PCDH15: variants seen among roughly 807,000 people sequenced by gnomAD.
PCDH15 encodes protocadherin related 15, also known as protocadherin-15.
Under a neutral mutation model 178.5 loss-of-function variants are expected in PCDH15, and 129 were observed. The observed-to-expected ratio is 0.72, with a 90% CI of 0.63 to 0.84. PCDH15 has a LOEUF of 0.84. Ranked by LOEUF, PCDH15 falls within the 40% of genes least tolerant of loss-of-function variation. PCDH15 has a pLI of 0.00. For missense variants in PCDH15, 2,230 were observed against 2,099.9 expected, an observed-to-expected ratio of 1.06 and a Z score of -1.21; for synonymous variants, 800 against 732.0, an observed-to-expected ratio of 1.09 and a Z score of -1.50.
chr10:54,334,854 CT>C (rs1233935224), intron 6 of PCDH15, among the ~76,000 whole-genome samples: 1 of 152,146 alleles, frequency 6.6e-6, no homozygotes, highest in Non-Finnish European at 1.5e-5. Flanking sequence ...TTCTTTGACA[CT>C]TTTTTTTGAA....
At chr10:53,913,512 T>C (rs1283916264) in intron 25 of PCDH15, among the ~76,000 whole-genome samples, 1 of 151,050 alleles carries the variant, frequency 6.6e-6, no homozygotes, top group Non-Finnish European at 1.5e-5. Flanking sequence ...GGCAGGCGAA[T>C]CACGAGGTCA....
chr10:54,654,939 C>A (rs1027882115), intron 2 of PCDH15: 3 of 152,148 alleles, frequency 2.0e-5, no homozygotes, highest in African/African-American at 4.8e-5. Flanking sequence ...AGGCCAGGAG[C>A]GGTGGCTCAC....
upstream of PCDH15, among the ~76,000 whole-genome samples, chr10:55,319,836 G>C (rs1565004558): frequency 6.6e-6 from 1 of 152,122 alleles, no homozygotes; most frequent in African/African-American, 2.4e-5. Flanking sequence ...GTTTGGTGTG[G>C]GAGCATCTGC....
In PCDH15 at chr10:54,290,790, A is replaced by C. The variant is rs533650390; in HGVS notation, c.876+26481T>G. Among the ~76,000 whole-genome samples, 6 of 152,362 alleles carry C rather than the reference A, an allele frequency of 3.9e-5. No homozygotes were observed. In the South Asian group the frequency reaches 1.2e-3, roughly 32 times the overall value. On this transcript the variant is annotated intron_variant, in intron 8 of 37. Transcript: ENST00000644397. Reference sequence around the variant, plus strand: ...ATTTTAAACCAACAAAGATCAGAAGAGACAAAGAAGGCCATTACATAATGG... The same window carrying C: ...ATTTTAAACCAACAAAGATCAGAAGCGACAAAGAAGGCCATTACATAATGG...
chr10:54,523,075 C>T (rs1448238800), intron 3 of PCDH15, among the ~76,000 whole-genome samples: 3 of 152,036 alleles, frequency 2.0e-5, no homozygotes, highest in Admixed American at 1.3e-4. Context: ...TCATAGTTTC[C>T]AATGTGTCCT....
At chr10:54,829,595 C>A (rs1405459011) in intron 3 of PCDH15, among the ~76,000 whole-genome samples, 1 of 151,832 alleles carries the variant, frequency 6.6e-6, no homozygotes, top group Non-Finnish European at 1.5e-5. Flanking sequence ...TTTAGTGAGC[C>A]CAAATTAATT....
chr10:55,618,777 C>T (rs1484357104), intron 2 of PCDH15, among the ~76,000 whole-genome samples: 3 of 151,918 alleles, frequency 2.0e-5, no homozygotes, highest in Non-Finnish European at 4.4e-5. Flanking sequence ...TGTACAATTG[C>T]CCAGTATTGT....
chr10:54,359,845 A>T (rs1175728582), intron 5 of PCDH15, among the ~76,000 whole-genome samples: 1 of 152,092 alleles, frequency 6.6e-6, no homozygotes, highest in Non-Finnish European at 1.5e-5. Flanking sequence ...TTAAAAACTC[A>T]TTGTTTAAAA....
chr10:54,869,861 A>G lies in PCDH15; in HGVS notation c.-29+27589T>C, dbSNP rs555701360. Among the ~76,000 whole-genome samples the G allele has an allele frequency of 1.6e-4, 24 of 152,284 alleles. No individual in the cohort carries two copies. In the South Asian group the frequency reaches 5.0e-3, roughly 32 times the overall value. The stretch of plus-strand genomic sequence containing the variant: ...CATAAGCACACTGCTTTAAATACTG[A>G]CACATTTTCACATGGGGTCAAGCCA... On this transcript the variant is annotated intron_variant, in intron 3 of 5. Transcript: ENST00000458638.
intron 2 of PCDH15, among the ~76,000 whole-genome samples, chr10:55,151,928 C>A (rs1396589145): frequency 6.6e-6 from 1 of 151,550 alleles, no homozygotes; most frequent in Non-Finnish European, 1.5e-5. Flanking sequence ...TTTTTATTAA[C>A]AAGGATGAGA....
chr10:54,650,509 T>A (rs1047135818), intron 2 of PCDH15, among the ~76,000 whole-genome samples: 7 of 152,194 alleles, frequency 4.6e-5, no homozygotes, highest in Non-Finnish European at 8.8e-5. Context: ...TATTAGTGAC[T>A]GATGCTTACA....
chr10:55,532,473 T>A (rs1589116357), intron 2 of PCDH15, among the ~76,000 whole-genome samples: 1 of 152,116 alleles, frequency 6.6e-6, no homozygotes, highest in African/African-American at 2.4e-5. Context: ...CTGTGATAGG[T>A]GCAATGGATT....
At chr10:54,827,680 C>G (rs1953154255) in intron 3 of PCDH15, among the ~76,000 whole-genome samples, 1 of 152,018 alleles carries the variant, frequency 6.6e-6, no homozygotes, top group Non-Finnish European at 1.5e-5. Context: ...AAATTGCCTG[C>G]TGGGCTTACT....
intron 2 of PCDH15, among the ~76,000 whole-genome samples, chr10:55,424,039 T>G: frequency 6.6e-6 from 1 of 152,248 alleles, no homozygotes; most frequent in South Asian, 2.1e-4. Context: ...TATCTCAAAC[T>G]ATTTTGTCCA....
chr10:55,244,726 A>T (rs1404689135), intron 1 of PCDH15, among the ~76,000 whole-genome samples: 1 of 151,712 alleles, frequency 6.6e-6, no homozygotes, highest in African/African-American at 2.4e-5. Context: ...CATGAGATAC[A>T]TTAATGTCAG....
In PCDH15 at chr10:54,027,364, C is replaced by A. The variant is rs558238128; in HGVS notation, c.2221-4167G>T. ...CAATATCGTGAAAATGGCCATACTG[C>A]CCAAAGTAATTTACAGATTCAATGC... On this transcript the variant is annotated intron_variant, in intron 18 of 37. Coordinates refer to ENST00000644397, the MANE Select transcript of PCDH15 (RefSeq NM_001384140.1). Among the ~76,000 whole-genome samples the A allele has an allele frequency of 5.3e-4, 81 of 152,038 alleles. 2 individuals carry two copies. In the South Asian group the frequency reaches 5.4e-3, roughly 10 times the overall value.
chr10:55,370,146 C>A (rs1174261976), intron 2 of PCDH15, among the ~76,000 whole-genome samples: 2 of 152,054 alleles, frequency 1.3e-5, no homozygotes, highest in East Asian at 3.9e-4. Context: ...GCACATTAAG[C>A]TTCTCATTGT....
At chr10:53,928,534 T>C (rs187544833) in intron 25 of PCDH15, among the ~76,000 whole-genome samples, 16 of 152,202 alleles carry the variant, frequency 1.1e-4, no homozygotes, top group Middle Eastern at 3.4e-3. Flanking sequence ...TCTATCAATG[T>C]TAAACTACAT....
intron 10 of PCDH15, among the ~76,000 whole-genome samples, chr10:54,196,500 A>G (rs2049676095): frequency 6.6e-6 from 1 of 152,226 alleles, no homozygotes; most frequent in Admixed American, 6.5e-5. Context: ...AAATACATTT[A>G]GTCAGAAAAT....
Sources: allele counts gnomAD v4.1 joint callset (sites outside exome capture counted in the v4.1 genomes callset), GRCh38; gene constraint gnomAD v4.1.1; transcripts MANE v1.5; gene names NCBI Gene and HGNC (gene_info 2026-07-23, HGNC 2026-07-21).